The following ZBTB32 variants were observed in gnomAD, a reference collection of about 807,000 sequenced individuals.
ZBTB32 encodes zinc finger and BTB domain containing 32.
A neutral mutation model predicts 45.3 loss-of-function variants in ZBTB32; 28 were observed. The observed-to-expected ratio is 0.62, with a 90% CI of 0.46 to 0.85. The LOEUF (loss-of-function observed/expected upper bound fraction) is 0.85. ZBTB32 is among the 40% of genes least tolerant of loss of function. The probability of loss-of-function intolerance (pLI) is 0.00; values close to 1 mark genes in which losing one functional copy is unlikely to be tolerated. For missense variants in ZBTB32, 587 were observed against 624.4 expected, an observed-to-expected ratio of 0.94 and a Z score of 0.64; for synonymous variants, 283 against 255.7, an observed-to-expected ratio of 1.11 and a Z score of -1.02.
intron 2 of ZBTB32, chr19:35,713,643 TCTC>T (rs1311794215): frequency 6.6e-6 from 1 of 152,294 alleles, no homozygotes; most frequent in Non-Finnish European, 1.5e-5. Flanking sequence ...AGGTTCTGGT[TCTC>T]TTCGTATCTG....
Position 35,716,991 on chromosome 19 carries a change from T to C in ZBTB32, c.*239T>C, listed in dbSNP as rs73048513. ...GAGCGAAGGTTAACAGTAGGGGAGA[T>C]TGTCGATCTCATCACCATAATAAAG... On this transcript the variant is annotated 3_prime_UTR_variant, in exon 7 of 7. Transcript: ENST00000392197. The C allele has an allele frequency of 0.052, 29,515 of 565,220 alleles. 915 individuals carry two copies. The highest frequency in any genetic ancestry group is 0.076 in the South Asian group (3,242 of 42,438). The allele number at this position is 565,220 out of a possible 1,614,324, so 35.0% of individuals were successfully genotyped here.
Position 35,715,394 on chromosome 19 carries a change from G to A in ZBTB32, c.768G>A (p.Val256=), listed in dbSNP as rs137940473. 483 of 1,611,328 alleles carry A rather than the reference G, an allele frequency of 3.0e-4. 2 individuals are homozygous for A. Among genetic ancestry groups the A allele is most frequent in the Middle Eastern group, 8.3e-4 (5 of 6,040 alleles). ...RPSWAEAPWL[V]GGQPALWSIL... ...CGTGGGCTGAGGCCCCTTGGTTGGT[G>A]GGGGGCCAGCCTGCCCTGTGGAGCA... Residue 256 remains valine (V), a synonymous_variant, in exon 3 of 7, where the codon GTG becomes GTA. Transcript: ENST00000392197.
intron 3 of ZBTB32, 55 bp downstream of exon 3, chr19:35,715,562 G>A: frequency 4.0e-6 from 6 of 1,507,570 alleles, no homozygotes; most frequent in Non-Finnish European, 5.3e-6. Flanking sequence ...TGGCCCAGGA[G>A]GGGCAGCCCT....
chr19:35,716,425 G>A, intron 6 of ZBTB32, 53 bp from the exon 7 acceptor site: 1 of 1,585,288 alleles, frequency 6.3e-7, no homozygotes, highest in Non-Finnish European at 8.6e-7. Flanking sequence ...AACTTGGCCA[G>A]CTTTCGCCGC....
intron 1 of ZBTB32, among the ~76,000 whole-genome samples, chr19:35,711,189 G>A (rs1364232131): frequency 6.6e-6 from 1 of 152,220 alleles, no homozygotes; most frequent in Non-Finnish European, 1.5e-5. Flanking sequence ...GGGCTGGAAA[G>A]CGAGGGGGCC....
At chr19:35,710,013 C>A (rs1001106306) in intron 1 of ZBTB32, among the ~76,000 whole-genome samples, 1 of 152,022 alleles carries the variant, frequency 6.6e-6, no homozygotes, top group Non-Finnish European at 1.5e-5. Flanking sequence ...AATTTGAGAC[C>A]AGCCTGGCCA....
chr19:35,707,981 C>G (rs1968591543), intron 1 of ZBTB32, among the ~76,000 whole-genome samples: 2 of 151,760 alleles, frequency 1.3e-5, no homozygotes, highest in South Asian at 2.1e-4. Context: ...GACTCTGTCT[C>G]AATAAAAAGA....
intron 1 of ZBTB32, among the ~76,000 whole-genome samples, chr19:35,705,999 C>G (rs1407941025): frequency 6.6e-6 from 1 of 150,956 alleles, no homozygotes; most frequent in African/African-American, 2.4e-5. Context: ...GAGGCCAAGG[C>G]GGGCGGATTA....
chr19:35,712,251 C>T (rs1403100232), intron 1 of ZBTB32, among the ~76,000 whole-genome samples: 1 of 152,108 alleles, frequency 6.6e-6, no homozygotes, highest in Non-Finnish European at 1.5e-5. Context: ...CATTTGAGCC[C>T]AAGAGTTCAA....
chr19:35,709,154 T>C (rs188857919), intron 1 of ZBTB32, among the ~76,000 whole-genome samples: 5 of 152,288 alleles, frequency 3.3e-5, no homozygotes. Flanking sequence ...ATGTAAGATT[T>C]GGATAATCGC....
rs2146418805 is a variant in ZBTB32, at chr19:35,714,885, C to G, written c.259C>G (p.Pro87Ala). The change falls in exon 3 of 7, where the codon CCT (proline) becomes GCT (alanine). Residue 87 changes from proline to alanine, a missense_variant. Coordinates refer to ENST00000392197, the MANE Select transcript of ZBTB32 (RefSeq NM_014383.3). ...FVYGESVELQ[P>A]GELRPLQEAA... ...GTATGGGGAGAGTGTAGAGCTGCAG[C>G]CTGGAGAGCTAAGGCCCCTTCAGGA... 6.3e-7 allele frequency: 1 copy of G among 1,587,878 alleles called. No individual in the cohort carries two copies. The highest frequency in any genetic ancestry group is 8.6e-7 in the Non-Finnish European group (1 of 1,165,898).
Position 35,715,358 on chromosome 19 carries a change from C to A in ZBTB32, c.732C>A (p.Thr244=). ...CAGGCTCCCTGCAAACCAGCGTCAC[C>A]CCTAGGCCCTCGTGGGCTGAGGCCC... is the stretch of plus-strand genomic sequence containing the variant. ...PPAGSLQTSV[T]PRPSWAEAPW... Residue 244 remains threonine (T), a synonymous_variant, in exon 3 of 7, where the codon ACC becomes ACA. Transcript: ENST00000392197. 1 of 1,611,838 alleles carries A rather than the reference C, an allele frequency of 6.2e-7. No homozygotes were observed. The highest frequency in any genetic ancestry group is 8.5e-7 in the Non-Finnish European group (1 of 1,179,320).
At chr19:35,713,389 A>T (rs745749391) in intron 2 of ZBTB32, 3 of 152,392 alleles carry the variant, frequency 2.0e-5, no homozygotes, top group South Asian at 2.1e-4. Context: ...GGCTAGCTCC[A>T]GGGGGGGCCC....
chr19:35,716,320 G>A (rs745945734), intron 6 of ZBTB32, 23 bp downstream of exon 6: 26 of 1,612,622 alleles, frequency 1.6e-5, no homozygotes, highest in African/African-American at 1.1e-4. Flanking sequence ...TGCCCTGTGT[G>A]AACTGTCGGC....
intron 1 of ZBTB32, among the ~76,000 whole-genome samples, chr19:35,708,116 G>A (rs994890131): frequency 6.6e-6 from 1 of 152,126 alleles, no homozygotes; most frequent in African/African-American, 2.4e-5. Context: ...AGACTCCCTC[G>A]TCTCTTCCCA....
At chr19:35,708,500 C>T (rs1968604488) in intron 1 of ZBTB32, among the ~76,000 whole-genome samples, 1 of 152,144 alleles carries the variant, frequency 6.6e-6, no homozygotes, top group South Asian at 2.1e-4. Context: ...TGAAACAGCC[C>T]CTGTGAGGAA....
In ZBTB32 at chr19:35,717,037, C is replaced by G; in HGVS notation, c.*285C>G. The stretch of plus-strand genomic sequence containing the variant: ...TAAAGAGTTTCCTGTGCCCTCCCTT[C>G]AGGACTAGAAAGCCGAGTTTAGTCT... On this transcript the variant is annotated 3_prime_UTR_variant, in exon 7 of 7. Transcript: ENST00000392197. 2 of 468,780 alleles carry G rather than the reference C, an allele frequency of 4.3e-6. No homozygotes were observed. Among genetic ancestry groups the G allele is most frequent in the South Asian group, 6.2e-5 (2 of 32,402 alleles). The allele number at this position is 468,780 out of a possible 1,614,324, so 29.0% of individuals were successfully genotyped here.
chr19:35,713,577 C>T (rs1014819631), intron 2 of ZBTB32: 1 of 152,298 alleles, frequency 6.6e-6, no homozygotes, highest in African/African-American at 2.4e-5. Flanking sequence ...CCCCAAGGGC[C>T]CTTGCTCACA....
intron 4 of ZBTB32, 31 bp downstream of exon 4, chr19:35,715,861 T>C: frequency 6.2e-7 from 1 of 1,611,460 alleles, no homozygotes. Flanking sequence ...CATACACCTG[T>C]AACATGGTGT....
Sources: allele counts gnomAD v4.1 joint callset (sites outside exome capture counted in the v4.1 genomes callset), GRCh38; gene constraint gnomAD v4.1.1; transcripts MANE v1.5; gene names NCBI Gene and HGNC (gene_info 2026-07-23, HGNC 2026-07-21).